AMY2B: variants seen among roughly 807,000 people sequenced by gnomAD.
AMY2B encodes alpha-amylase 2B.
Under a neutral mutation model 59.3 loss-of-function variants are expected in AMY2B, and 63 were observed. The observed-to-expected ratio is 1.06, with a 90% CI of 0.87 to 1.31. The LOEUF is 1.31. Among genes scored for constraint, AMY2B ranks in the 50% most tolerant of loss-of-function variants. The pLI is 0.00. For synonymous variants in AMY2B, 180 were observed against 198.1 expected (o/e 0.91, Z 0.77); for missense variants, 635 against 626.7 (o/e 1.01, Z -0.14).
At chr1:103,557,150 G>C (rs77004565) in intron 1 of AMY2B, among the ~76,000 whole-genome samples, 5 of 148,204 alleles carry the variant, frequency 3.4e-5, no homozygotes, top group African/African-American at 1.2e-4. Flanking sequence ...GTGCGCGCGC[G>C]CACACACACA....
chr1:103,578,426 T>G (rs147977206), intron 9 of AMY2B, among the ~76,000 whole-genome samples: 1,996 of 152,268 alleles, frequency 0.013, 24 homozygotes, highest in Non-Finnish European at 0.021. Context: ...TTATTGGCCT[T>G]TCATCTGTGA....
At chr1:103,568,049 A>G (rs955928824), upstream of AMY2B, among the ~76,000 whole-genome samples, 1 of 152,194 alleles carries the variant, frequency 6.6e-6, no homozygotes. Flanking sequence ...ATTTTATACT[A>G]GTTCTTATTG....
chr1:103,571,498 G>A, upstream of AMY2B: 2 of 1,572,792 alleles, frequency 1.3e-6, no homozygotes, highest in South Asian at 2.3e-5. Flanking sequence ...TGAGTAAACA[G>A]TTTGCCCTCA....
chr1:103,575,211 T>C lies in AMY2B; in HGVS notation c.879-12T>C, dbSNP rs1652301665. 1.2e-6 allele frequency: 2 copies of C among 1,613,308 alleles called. No homozygotes were observed. Among genetic ancestry groups the C allele is most frequent in the South Asian group, 2.2e-5 (2 of 91,056 alleles). On this transcript the variant is annotated splice_polypyrimidine_tract_variant and intron_variant, in intron 5 of 9. Coordinates refer to ENST00000684275, the MANE Select transcript of AMY2B (RefSeq NM_001387437.1). ...ATGATACATCAACATATATCTTATT[T>C]TTCAAAAATAGGAACTGGGGAGAAG... is the stretch of plus-strand genomic sequence containing the variant.
chr1:103,571,178 T>A, upstream of AMY2B: 7 of 816,116 alleles, frequency 8.6e-6, no homozygotes, highest in Non-Finnish European at 1.1e-5. Context: ...CAGAACACCA[T>A]GGGCTGTTAC....
At chr1:103,555,980 C>T (rs751234706) in intron 1 of AMY2B, among the ~76,000 whole-genome samples, 19 of 152,026 alleles carry the variant, frequency 1.2e-4, no homozygotes, top group Non-Finnish European at 2.4e-4. Flanking sequence ...ACAAACAGCT[C>T]ATTAGTAACG....
At chr1:103,570,056 A>G, upstream of AMY2B, 2 of 437,720 alleles carry the variant, frequency 4.6e-6, no homozygotes, top group East Asian at 5.5e-5. Flanking sequence ...TATAAGGGCT[A>G]CGCCCTCCCT....
In AMY2B at chr1:103,571,718, T is replaced by A. The variant is rs199581606; in HGVS notation, c.116T>A (p.Ile39Asn). 1.9e-6 allele frequency: 3 copies of A among 1,611,970 alleles called. No individual in the cohort carries two copies. The East Asian group carries it at 6.7e-5, about 36-fold the overall frequency. ...CTGTTTGAATGGCGATGGGTTGATATTGCTCTTGAATGTGAGCGATATTTA... is the reference window on the plus strand; with the variant it reads ...CTGTTTGAATGGCGATGGGTTGATAATGCTCTTGAATGTGAGCGATATTTA... ...VHLFEWRWVD[I>N]ALECERYLAP... The change falls in exon 1 of 10, where the codon ATT (isoleucine) becomes AAT (asparagine). Residue 39 changes from isoleucine to asparagine, a missense_variant. Coordinates refer to ENST00000684275, the MANE Select transcript of AMY2B (RefSeq NM_001387437.1).
At chr1:103,567,672 T>A (rs1651956764), upstream of AMY2B, among the ~76,000 whole-genome samples, 1 of 152,208 alleles carries the variant, frequency 6.6e-6, no homozygotes, top group African/African-American at 2.4e-5. Context: ...AGGGTGATTT[T>A]CTTTTAAAGT....
Position 103,578,771 on chromosome 1 carries a change from C to CT in AMY2B, c.1347-534dup, listed in dbSNP as rs1471522417. On this transcript the variant is annotated intron_variant, in intron 9 of 9. Coordinates refer to ENST00000684275, the MANE Select transcript of AMY2B (RefSeq NM_001387437.1). The stretch of plus-strand genomic sequence containing the variant: ...ATTGTTTCTATGTATGCCCCAAATT[C>CT]TTTTTTACCTTATGGGGAAAAAAGG... 2.7e-5 allele frequency among the ~76,000 whole-genome samples: 4 copies of CT among 146,894 alleles called. No homozygotes were observed. The East Asian group carries it at 8.2e-4, about 30-fold the overall frequency.
upstream of AMY2B, chr1:103,569,984 T>C: frequency 4.4e-6 from 2 of 452,588 alleles, no homozygotes; most frequent in Admixed American, 2.7e-5. Context: ...CCTCTACACC[T>C]GTGGTTGCAC....
upstream of AMY2B, chr1:103,570,174 C>T: frequency 2.1e-6 from 1 of 470,886 alleles, no homozygotes; most frequent in Non-Finnish European, 4.2e-6. Context: ...AGCGGGAGAT[C>T]AGACACTACG....
intron 1 of AMY2B, among the ~76,000 whole-genome samples, chr1:103,563,758 A>G (rs931357097): frequency 6.6e-6 from 1 of 152,160 alleles, no homozygotes; most frequent in Non-Finnish European, 1.5e-5. Context: ...TTACAAGAAC[A>G]GAGTTCATTG....
upstream of AMY2B, chr1:103,568,781 C>T (rs1360312298): frequency 6.6e-6 from 1 of 150,746 alleles, no homozygotes; most frequent in African/African-American, 2.4e-5. Context: ...TATATATATA[C>T]ACTGCATTAT....
rs1452727597 is a variant in AMY2B, at chr1:103,577,804, G to A, written c.1305G>A (p.Gly435=). 1.2e-6 allele frequency: 2 copies of A among 1,605,890 alleles called. No homozygotes were observed. The highest frequency in any genetic ancestry group is 1.3e-5 in the African/African-American group (1 of 74,858). ...ATGGGAGCAACCAAGTGGCTTTTGG[G>A]AGAGGAAACAGAGGATTCATTGTTT... ...YDNGSNQVAF[G]RGNRGFIVFN... The change falls in exon 9 of 10, where the codon GGG becomes GGA. Residue 435 remains glycine, a synonymous_variant. Coordinates refer to ENST00000684275, the MANE Select transcript of AMY2B (RefSeq NM_001387437.1).
intron 1 of AMY2B, among the ~76,000 whole-genome samples, chr1:103,559,561 G>A (rs1651668496): frequency 6.6e-6 from 1 of 152,078 alleles, no homozygotes; most frequent in Non-Finnish European, 1.5e-5. Context: ...CCTTCAAAAA[G>A]CAGTGATATA....
upstream of AMY2B, chr1:103,569,219 A>G (rs1464991623): frequency 6.6e-6 from 1 of 152,112 alleles, no homozygotes; most frequent in Non-Finnish European, 1.5e-5. Context: ...GGGTGGGGAC[A>G]CAGCCAAACC....
chr1:103,573,879 C>T lies in AMY2B; in HGVS notation c.685C>T (p.Leu229=), dbSNP rs1229840145. 4 of 1,613,712 alleles carry T rather than the reference C, an allele frequency of 2.5e-6. No individual in the cohort carries two copies. The highest frequency in any genetic ancestry group is 1.1e-5 in the South Asian group (1 of 91,078). Residue 229 remains leucine, a synonymous_variant, in exon 4 of 10, where the codon CTG becomes TTG. Coordinates refer to ENST00000684275, the MANE Select transcript of AMY2B (RefSeq NM_001387437.1). ...PGDIKAILDK[L]HNLNSNWFPA... ...AGACATAAAGGCAATTTTGGACAAA[C>T]TGCATAATCTAAACAGTAACTGGTT...
At chr1:103,574,470 G>C (rs1652265999) in intron 5 of AMY2B, 77 bp downstream of exon 5, 1 of 1,601,298 alleles carries the variant, frequency 6.2e-7, no homozygotes, top group Non-Finnish European at 8.5e-7. Context: ...GTTATCTTCT[G>C]GAACATTCTT....
Sources: gnomAD v4.1 joint callset for allele counts (sites outside exome capture counted in the v4.1 genomes callset) on GRCh38, gnomAD v4.1.1 for gene constraint, MANE v1.5 for transcripts, NCBI Gene and HGNC (gene_info 2026-07-23, HGNC 2026-07-21) for gene names.